CCDC73: variants seen among roughly 807,000 people sequenced by gnomAD.
CCDC73 encodes coiled-coil domain-containing protein 73.
Under a neutral mutation model 116.5 loss-of-function variants are expected in CCDC73, and 95 were observed. The ratio of observed to expected loss-of-function variants is 0.82; its 90% CI spans 0.69 to 0.97. The LOEUF is 0.97. Ranked by LOEUF, CCDC73 falls within the 50% of genes least tolerant of loss-of-function variation. CCDC73 has a pLI of 0.00. For synonymous variants in CCDC73, 398 were observed against 401.3 expected (o/e 0.99, Z 0.10); for missense variants, 1,066 against 1,206.8 (o/e 0.88, Z 1.73).
At chr11:32,636,785 T>C (rs1471683646) in intron 13 of CCDC73, among the ~76,000 whole-genome samples, 59 of 151,946 alleles carry the variant, frequency 3.9e-4, no homozygotes, top group Non-Finnish European at 5.9e-5. Flanking sequence ...TCTTTAAATC[T>C]ATCTCTGCAA....
chr11:32,794,344 C>G (rs1315356537), intron 1 of CCDC73: 2 of 152,330 alleles, frequency 1.3e-5, no homozygotes, highest in Admixed American at 6.5e-5. Flanking sequence ...ACCCTCATGA[C>G]TCACCCGCAG....
chr11:32,715,737 A>G (rs977457950), intron 3 of CCDC73, among the ~76,000 whole-genome samples: 3 of 152,230 alleles, frequency 2.0e-5, no homozygotes, highest in Admixed American at 1.3e-4. Context: ...TTTTTGTTCC[A>G]GGAAACCTTT....
At chr11:32,664,379 G>A (rs1164678619) in intron 9 of CCDC73, among the ~76,000 whole-genome samples, 1 of 152,054 alleles carries the variant, frequency 6.6e-6, no homozygotes, top group Non-Finnish European at 1.5e-5. Context: ...GTCTATTCAG[G>A]GATTCAACTT....
At chr11:32,830,016 G>A in the CCDC73 span, 1 of 985,750 alleles carries the variant, frequency 1.0e-6, no homozygotes, top group South Asian at 4.7e-5. Flanking sequence ...CCCTTCCCAG[G>A]TTTGCGCGCG....
At position 32,727,332 on chromosome 11, in the gene CCDC73, A is replaced by G. The variant is rs370697730; in HGVS notation, c.136-9185T>C. 9.9e-5 allele frequency among the ~76,000 whole-genome samples: 15 copies of G among 152,152 alleles called. 1 individual carries two copies. The highest frequency in any genetic ancestry group is 7.9e-4 in the Admixed American group (12 of 15,274). On this transcript the variant is annotated intron_variant, in intron 2 of 17. Coordinates refer to ENST00000335185, the MANE Select transcript of CCDC73 (RefSeq NM_001008391.4). ...TGTAAACCTAGTATTTTCCCCTTAC[A>G]TATTCTAGTCATTAGAAACAAGTCA...
intron 14 of CCDC73, among the ~76,000 whole-genome samples, chr11:32,622,214 G>A (rs1002629625): frequency 2.0e-5 from 3 of 152,142 alleles, no homozygotes; most frequent in Non-Finnish European, 4.4e-5. Context: ...GCACACATAC[G>A]TTTATTGCAG....
chr11:32,799,076 AT>A (rs1039781345), upstream of CCDC73, among the ~76,000 whole-genome samples: 6 of 139,900 alleles, frequency 4.3e-5, no homozygotes, highest in Non-Finnish European at 6.1e-5. Flanking sequence ...CACTTGGCTA[AT>A]TTTTTTTCTT....
At chr11:32,764,472 G>A (rs189573455) in intron 1 of CCDC73, among the ~76,000 whole-genome samples, 5 of 152,280 alleles carry the variant, frequency 3.3e-5, no homozygotes, top group Admixed American at 3.3e-4. Flanking sequence ...CATTCTTAAA[G>A]AAAAGAATTT....
At chr11:32,636,502 G>C (rs994585470) in intron 13 of CCDC73, among the ~76,000 whole-genome samples, 2 of 152,000 alleles carry the variant, frequency 1.3e-5, no homozygotes, top group African/African-American at 2.4e-5. Flanking sequence ...ATGAGCCAAG[G>C]TAAGTTCCAC....
chr11:32,760,133 T>C lies in CCDC73; in HGVS notation c.111A>G (p.Ala37=), dbSNP rs780618333. 6.2e-7 allele frequency: 1 copy of C among 1,603,104 alleles called. No individual in the cohort carries two copies. Among genetic ancestry groups the C allele is most frequent in the Non-Finnish European group, 8.5e-7 (1 of 1,175,904 alleles). The change falls in exon 2 of 18, where the codon GCA becomes GCG. Residue 37 remains alanine (A), a synonymous_variant. Transcript: ENST00000335185. The part of the protein sequence containing the change: ...LLDFKTSLLE[A]LEELRMRREA... ...CCCTTCTCATACGCAATTCTTCTAATGCCTCCAGTAAACTTGTTTTGAAAT... is the reference window on the plus strand; with the variant it reads ...CCCTTCTCATACGCAATTCTTCTAACGCCTCCAGTAAACTTGTTTTGAAAT...
intron 6 of CCDC73, among the ~76,000 whole-genome samples, chr11:32,691,425 T>C (rs1856257837): frequency 6.6e-6 from 1 of 152,184 alleles, no homozygotes; most frequent in Non-Finnish European, 1.5e-5. Context: ...TGTATCTTTG[T>C]TGTTTTAATT....
At chr11:32,685,634 GT>G (rs1456397632) in intron 6 of CCDC73, among the ~76,000 whole-genome samples, 1 of 151,674 alleles carries the variant, frequency 6.6e-6, no homozygotes, top group Non-Finnish European at 1.5e-5. Flanking sequence ...CTCGTTATGT[GT>G]GATATGGATT....
At chr11:32,825,991 T>G in the CCDC73 span, among the ~76,000 whole-genome samples, 1 of 152,246 alleles carries the variant, frequency 6.6e-6, no homozygotes, top group African/African-American at 2.4e-5. Flanking sequence ...GCCTTATTAC[T>G]ACTCACAGTG....
At chr11:32,760,562 T>G (rs924460819) in intron 1 of CCDC73, among the ~76,000 whole-genome samples, 5 of 152,236 alleles carry the variant, frequency 3.3e-5, no homozygotes, top group African/African-American at 1.2e-4. Flanking sequence ...AGTTGCTTCA[T>G]GCCAAAGCTG....
At chr11:32,648,806 CT>C (rs1370349188) in intron 12 of CCDC73, among the ~76,000 whole-genome samples, 6 of 152,246 alleles carry the variant, frequency 3.9e-5, no homozygotes, top group Admixed American at 3.9e-4. Context: ...CCACCTCGGC[CT>C]CCCAAAGCGC....
chr11:32,633,274 G>A lies in CCDC73; in HGVS notation c.1185+2422C>T, dbSNP rs541648210. Among the ~76,000 whole-genome samples the A allele has an allele frequency of 2.9e-4, 43 of 148,808 alleles. No individual in the cohort carries two copies. In the South Asian group the frequency reaches 8.4e-3, roughly 29 times the overall value. The stretch of plus-strand genomic sequence containing the variant: ...CAAATGATCAAGACAAACAGAGAGC[G>A]AGAGAGAGAAGATACAAATTACAAA... On this transcript the variant is annotated intron_variant, in intron 14 of 17. Transcript: ENST00000335185.
At position 32,649,100 on chromosome 11, in the gene CCDC73, T is replaced by G. The variant is rs572103202; in HGVS notation, c.939+4023A>C. Among the ~76,000 whole-genome samples, 16 of 152,292 alleles carry G rather than the reference T, an allele frequency of 1.1e-4. No individual in the cohort carries two copies. The Middle Eastern group carries it at 0.01, about 97-fold the overall frequency. The stretch of plus-strand genomic sequence containing the variant: ...TGGTAGTCATAAATATGTAGTTATG[T>G]GTTTTCTGAGTTAATGGTGACTGTA... On this transcript the variant is annotated intron_variant, in intron 12 of 17. Transcript: ENST00000335185.
chr11:32,816,941 G>A, the CCDC73 span, among the ~76,000 whole-genome samples: 3 of 151,972 alleles, frequency 2.0e-5, no homozygotes, highest in African/African-American at 2.4e-5. Context: ...CTGCCACCAC[G>A]CCTGGCTAAT....
At chr11:32,725,331 A>G (rs889649006) in intron 2 of CCDC73, among the ~76,000 whole-genome samples, 142 of 152,258 alleles carry the variant, frequency 9.3e-4, no homozygotes, top group African/African-American at 3.1e-3. Flanking sequence ...TTATATACGT[A>G]ATTTATAAAC....
Sources: gnomAD v4.1 joint callset for allele counts (sites outside exome capture counted in the v4.1 genomes callset) on GRCh38, gnomAD v4.1.1 for gene constraint, MANE v1.5 for transcripts, NCBI Gene and HGNC (gene_info 2026-07-23, HGNC 2026-07-21) for gene names.